Variants in SORBS2 observed in about 807,000 individuals in gnomAD.
SORBS2 encodes sorbin and SH3 domain-containing protein 2.
SORBS2 carries 46 observed loss-of-function variants against 97.7 expected under a neutral mutation model. That is an observed-to-expected ratio of 0.47 (90% CI 0.37 to 0.60). The LOEUF is 0.60. Ranked by LOEUF, SORBS2 falls within the 20% of genes least tolerant of loss-of-function variation. The pLI is 0.00. For missense variants in SORBS2, 1,316 were observed against 1,282.3 expected, an observed-to-expected ratio of 1.03 and a Z score of -0.40; for synonymous variants, 476 against 473.4, an observed-to-expected ratio of 1.01 and a Z score of -0.07.
At chr4:185,706,842 G>A (rs1005611886) in intron 2 of SORBS2, among the ~76,000 whole-genome samples, 2 of 152,108 alleles carry the variant, frequency 1.3e-5, no homozygotes, top group African/African-American at 4.8e-5. Flanking sequence ...TCCCTGTAGT[G>A]TGTTCACTTG....
chr4:185,699,949 G>A (rs2098236340), intron 2 of SORBS2, among the ~76,000 whole-genome samples: 1 of 152,084 alleles, frequency 6.6e-6, no homozygotes, highest in South Asian at 2.1e-4. Context: ...GTGAATAAAA[G>A]GTACTCAATT....
At chr4:185,709,072 C>T (rs181392340) in intron 2 of SORBS2, among the ~76,000 whole-genome samples, 9 of 152,322 alleles carry the variant, frequency 5.9e-5, no homozygotes, top group Admixed American at 1.3e-4. Flanking sequence ...GGCTGGAGTG[C>T]AGTGGCGGGA....
intron 12 of SORBS2, among the ~76,000 whole-genome samples, chr4:185,600,288 A>G (rs1355808519): frequency 6.6e-6 from 1 of 152,196 alleles, no homozygotes; most frequent in African/African-American, 2.4e-5. Flanking sequence ...TCACAGAGGA[A>G]AGCTGGCATA....
intron 1 of SORBS2, among the ~76,000 whole-genome samples, chr4:185,907,509 G>A (rs2099251697): frequency 6.6e-6 from 1 of 152,120 alleles, no homozygotes; most frequent in African/African-American, 2.4e-5. Context: ...CACATTTTGT[G>A]GCCTGGATGT....
At chr4:185,938,803 A>C (rs1424505824) in intron 1 of SORBS2, among the ~76,000 whole-genome samples, 1 of 151,998 alleles carries the variant, frequency 6.6e-6, no homozygotes, top group Non-Finnish European at 1.5e-5. Flanking sequence ...TTCTGCCTTC[A>C]TCCCCTGCTC....
intron 2 of SORBS2, among the ~76,000 whole-genome samples, chr4:185,728,615 G>A (rs2098584137): frequency 6.6e-6 from 1 of 152,214 alleles, no homozygotes; most frequent in African/African-American, 2.4e-5. Flanking sequence ...ACAAAAGGAT[G>A]CGCAGGAGCA....
At chr4:185,854,736 A>G (rs2099219770) in intron 1 of SORBS2, among the ~76,000 whole-genome samples, 1 of 152,110 alleles carries the variant, frequency 6.6e-6, no homozygotes, top group African/African-American at 2.4e-5. Flanking sequence ...AGGCTACAGA[A>G]ATCCCCACAA....
intron 1 of SORBS2, among the ~76,000 whole-genome samples, chr4:185,952,044 T>TTGATAGAG (rs1554057016): frequency 0.018 from 2,637 of 148,312 alleles, 63 homozygotes; most frequent in African/African-American, 0.06. Flanking sequence ...TTTTTTTTTT[T>TTGATAGAG]TGATAGAGTC....
rs568900438 is a variant in SORBS2, at chr4:185,881,633, T to C, written c.-338+74563A>G. Among the ~76,000 whole-genome samples the C allele has an allele frequency of 9.2e-5, 14 of 152,224 alleles. No individual in the cohort carries two copies. In the South Asian group the frequency reaches 2.9e-3, roughly 32 times the overall value. Reference sequence around the variant, plus strand: ...AACAACTTCTGACGATGAAATCCGGTGAAATATGTTATTCATCCAAGCAAA... The same window carrying C: ...AACAACTTCTGACGATGAAATCCGGCGAAATATGTTATTCATCCAAGCAAA... On this transcript the variant is annotated intron_variant, in intron 1 of 20. Coordinates refer to the SORBS2 transcript ENST00000284776.
At chr4:185,631,136 T>C (rs766314455) in intron 4 of SORBS2, among the ~76,000 whole-genome samples, 2 of 152,218 alleles carry the variant, frequency 1.3e-5, no homozygotes, top group African/African-American at 2.4e-5. Context: ...ACATGACGTT[T>C]AAATAAAACC....
At chr4:185,589,585 A>G in intron 14 of SORBS2, 94 bp downstream of exon 26, 3 of 755,814 alleles carry the variant, frequency 4.0e-6, no homozygotes, top group Non-Finnish European at 7.2e-6. Context: ...TACGAATTCA[A>G]AGGAAGCTCG....
At chr4:185,872,066 A>G (rs1472708171) in intron 1 of SORBS2, among the ~76,000 whole-genome samples, 1 of 152,254 alleles carries the variant, frequency 6.6e-6, no homozygotes, top group East Asian at 1.9e-4. Flanking sequence ...TAAAAGTGTT[A>G]TATTAAAAAA....
intron 2 of SORBS2, among the ~76,000 whole-genome samples, chr4:185,721,494 T>C (rs13119888): frequency 0.69 from 105,153 of 152,094 alleles, 39,464 homozygotes; most frequent in Non-Finnish European, 0.84. Context: ...GTAGCAGAAC[T>C]GGAGCCCCTG....
chr4:185,699,811 G>A (rs2098233548), intron 2 of SORBS2, among the ~76,000 whole-genome samples: 1 of 152,064 alleles, frequency 6.6e-6, no homozygotes, highest in South Asian at 2.1e-4. Context: ...CCATTTTAAT[G>A]GAAATGTATT....
intron 12 of SORBS2, among the ~76,000 whole-genome samples, chr4:185,603,984 C>T (rs554310408): frequency 6.6e-5 from 10 of 152,134 alleles, no homozygotes; most frequent in South Asian, 2.1e-4. Context: ...ACCTGCCGAT[C>T]GGTGGGAAAT....
At chr4:185,908,066 C>G (rs2099252115) in intron 1 of SORBS2, among the ~76,000 whole-genome samples, 1 of 151,880 alleles carries the variant, frequency 6.6e-6, no homozygotes, top group South Asian at 2.1e-4. Context: ...TCACCACTAC[C>G]ATGCACATTC....
chr4:185,926,193 G>T (rs1029048212), intron 1 of SORBS2, among the ~76,000 whole-genome samples: 2 of 152,196 alleles, frequency 1.3e-5, no homozygotes, highest in Non-Finnish European at 2.9e-5. Context: ...GAGTGGGCGT[G>T]GTCTAATTTG....
chr4:185,891,103 TTTGTTTTTTAA>T (rs2099242289), intron 1 of SORBS2, among the ~76,000 whole-genome samples: 1 of 90,060 alleles, frequency 1.1e-5, no homozygotes, highest in Admixed American at 1.2e-4. Flanking sequence ...CTGCTTATTC[TTTGTTTTTTAA>T]TTCTGCTTAT....
At position 185,626,521 on chromosome 4, in the gene SORBS2, A is replaced by G. The variant is rs566234219; in HGVS notation, c.634+311T>C. Among the ~76,000 whole-genome samples the G allele has an allele frequency of 3.3e-5, 5 of 152,356 alleles. No homozygotes were observed. The East Asian group carries it at 7.7e-4, about 23-fold the overall frequency. ...ATTAGAAAATTTTGACTATATGTCA[A>G]TGTTTACAAAATACATCTTTTAGTA... On this transcript the variant is annotated intron_variant, in intron 6 of 14. Transcript: ENST00000418609.
Sources: gnomAD v4.1 joint callset for allele counts (sites outside exome capture counted in the v4.1 genomes callset) on GRCh38, gnomAD v4.1.1 for gene constraint, MANE v1.5 for transcripts, NCBI Gene and HGNC (gene_info 2026-07-23, HGNC 2026-07-21) for gene names.